Variants in PRKAA1 observed in about 807,000 individuals in gnomAD.
PRKAA1 encodes protein kinase AMP-activated catalytic subunit alpha 1, also known as 5'-AMP-activated protein kinase catalytic subunit alpha-1.
Under a neutral mutation model 56.9 loss-of-function variants are expected in PRKAA1, and 23 were observed. The ratio of observed to expected loss-of-function variants is 0.40; its 90% CI spans 0.29 to 0.57. The LOEUF is 0.57. PRKAA1 is among the 20% of genes least tolerant of loss of function. PRKAA1 has a pLI of 0.39. For synonymous variants in PRKAA1, 226 were observed against 227.0 expected (o/e 1.00, Z 0.04); for missense variants, 413 against 679.7 (o/e 0.61, Z 4.36).
intron 2 of PRKAA1, 164 bp downstream of exon 2, chr5:40,777,281 G>A (rs1268974614): frequency 4.6e-6 from 3 of 655,868 alleles, no homozygotes; most frequent in Non-Finnish European, 2.4e-6. Flanking sequence ...CCAAAGTACT[G>A]GAATTACAGG....
rs765521994 is a variant in PRKAA1 at position 40,767,603 on chromosome 5, G to C, written c.684C>G (p.Asp228Glu). 1.2e-5 allele frequency: 20 copies of C among 1,613,338 alleles called. No homozygotes were observed. The highest frequency in any genetic ancestry group is 2.7e-5 in the African/African-American group (2 of 74,882). The change falls in exon 6 of 9, where the codon GAC (aspartate) becomes GAG (glutamate). Residue 228 changes from aspartate (D) to glutamate (E), a missense_variant. Asp to Glu is a conservative substitution (Grantham distance 45). This residue lies in a region of PRKAA1 where 113 missense variants were observed against 198.6 expected (regional missense o/e 0.57). Coordinates refer to ENST00000397128, the MANE Select transcript of PRKAA1 (RefSeq NM_006251.6). ...TCTTCTTAAAAAGAGTTGGCACATG[G>C]TCATCATCAAATGGAAGGGTTCCAC... ...LLCGTLPFDDDHVPTLFKKIC... is the reference protein window; with the variant it reads ...LLCGTLPFDDEHVPTLFKKIC...
At chr5:40,790,071 C>T (rs1744653127) in intron 1 of PRKAA1, 1 of 152,194 alleles carries the variant, frequency 6.6e-6, no homozygotes, top group Non-Finnish European at 1.5e-5. Context: ...CAGGAAAGTT[C>T]AGTATCCAGG....
At position 40,765,180 on chromosome 5, in the gene PRKAA1, A is replaced by G; in HGVS notation, c.880T>C (p.Tyr294His). The change falls in exon 7 of 9, where the codon TAT becomes CAT. Residue 294 changes from tyrosine to histidine, a missense_variant. Physicochemically the swap from Tyr to His is moderately conservative, Grantham distance 83. Around this residue, in one of 9 missense-constraint regions of PRKAA1, gnomAD observed 113 missense variants for 198.6 expected, o/e 0.57. Coordinates refer to ENST00000397128, the MANE Select transcript of PRKAA1 (RefSeq NM_006251.6). Reference protein sequence around the residue: ...PKYLFPEDPSYSSTMIDDEAL... With the variant: ...PKYLFPEDPSHSSTMIDDEAL... ...TCATCATCAATCATGGTTGAACTAT[A>G]TGATGGATCCTCAGGAAAGAGATAT... 6.2e-7 allele frequency: 1 copy of G among 1,614,028 alleles called. No individual in the cohort carries two copies. The highest frequency in any genetic ancestry group is 8.5e-7 in the Non-Finnish European group (1 of 1,179,878).
chr5:40,768,782 C>G (rs1206984730), intron 5 of PRKAA1: 1 of 1,337,562 alleles, frequency 7.5e-7, no homozygotes, highest in East Asian at 2.9e-5. Context: ...TTTTCAATTT[C>G]AGTAGTATAG....
At chr5:40,768,691 C>A in intron 5 of PRKAA1, 1 of 1,269,466 alleles carries the variant, frequency 7.9e-7, no homozygotes, top group Non-Finnish European at 9.9e-7. Flanking sequence ...AATCAAGATG[C>A]AAAACATTCA....
At chr5:40,797,878 C>G (rs1745007749) in intron 1 of PRKAA1, among the ~76,000 whole-genome samples, 185 bp downstream of exon 1, 1 of 152,064 alleles carries the variant, frequency 6.6e-6, no homozygotes, top group South Asian at 2.1e-4. Context: ...CCACCCCCAC[C>G]CGGCCTGTGC....
intron 3 of PRKAA1, among the ~76,000 whole-genome samples, chr5:40,772,778 G>A (rs1050111164): frequency 2.0e-5 from 3 of 152,046 alleles, no homozygotes; most frequent in Admixed American, 2.0e-4. Flanking sequence ...GGGACCACAG[G>A]CACATGCCAC....
chr5:40,773,471 T>C lies in PRKAA1; in HGVS notation c.364-1608A>G, dbSNP rs116822858. On this transcript the variant is annotated intron_variant, in intron 3 of 8. Transcript: ENST00000397128. Reference sequence around the variant, plus strand: ...AAGTCAAAATACATTTCCAATTAAATGTAACAGATTAAATCTTTTGTCTCC... The same window carrying C: ...AAGTCAAAATACATTTCCAATTAAACGTAACAGATTAAATCTTTTGTCTCC... 4.2e-3 allele frequency among the ~76,000 whole-genome samples: 639 copies of C among 152,294 alleles called. 4 individuals are homozygous for C. The highest frequency in any genetic ancestry group is 0.015 in the African/African-American group (613 of 41,560).
rs191772521 is a variant in PRKAA1, at chr5:40,765,603, G to A, written c.822-365C>T. Among the ~76,000 whole-genome samples the A allele has an allele frequency of 4.2e-3, 636 of 152,246 alleles. 4 individuals carry two copies. The highest frequency in any genetic ancestry group is 0.015 in the African/African-American group (610 of 41,542). ...TGATATAATGTTAAGTGAAGATAAT[G>A]TAACAACAAGAAAAATAGTAGACAA... On this transcript the variant is annotated intron_variant, in intron 6 of 8. Transcript: ENST00000397128.
At chr5:40,770,745 C>CGA (rs1277153556) in intron 4 of PRKAA1, among the ~76,000 whole-genome samples, 1 of 151,550 alleles carries the variant, frequency 6.6e-6, no homozygotes, top group African/African-American at 2.4e-5. Flanking sequence ...GCACGCACCA[C>CGA]CATGCCCAGC....
chr5:40,772,992 TAA>T (rs1447484710), intron 3 of PRKAA1, among the ~76,000 whole-genome samples: 1 of 152,176 alleles, frequency 6.6e-6, no homozygotes, highest in Non-Finnish European at 1.5e-5. Flanking sequence ...TTTTTCAACA[TAA>T]GTGACAGCCA....
chr5:40,775,456 T>C lies in PRKAA1; in HGVS notation c.317A>G (p.Tyr106Cys), dbSNP rs913298651. ...ATCAAATAGCTCTCCTCCTGAGACATATTCCATCACCATGAAAATATCAGA... is the reference window on the plus strand; with the variant it reads ...ATCAAATAGCTCTCCTCCTGAGACACATTCCATCACCATGAAAATATCAGA... ...TPSDIFMVME[Y>C]VSGGELFDYI... The change falls in exon 3 of 9, where the codon TAT (tyrosine) becomes TGT (cysteine). Residue 106 changes from tyrosine (Y) to cysteine (C), a missense_variant. Tyr to Cys is a radical substitution (Grantham distance 194). Around this residue, in one of 9 missense-constraint regions of PRKAA1, gnomAD observed 29 missense variants for 44.2 expected, o/e 0.66. Coordinates refer to ENST00000397128, the MANE Select transcript of PRKAA1 (RefSeq NM_006251.6). The C allele has an allele frequency of 2.5e-6, 4 of 1,608,958 alleles. No individual in the cohort carries two copies. The highest frequency in any genetic ancestry group is 3.4e-6 in the Non-Finnish European group (4 of 1,175,380).
In PRKAA1 at chr5:40,794,605, T is replaced by A. The variant is rs1485842468; in HGVS notation, c.127+3458A>T. Among the ~76,000 whole-genome samples the A allele has an allele frequency of 6.2e-5, 5 of 81,028 alleles. 2 individuals carry two copies. Among genetic ancestry groups the A allele is most frequent in the Non-Finnish European group, 6.4e-5 (2 of 31,456 alleles). The allele number at this position is 81,028 out of a possible 152,430, so 53.2% of individuals were successfully genotyped here. On this transcript the variant is annotated intron_variant, in intron 1 of 8. Transcript: ENST00000397128. The stretch of plus-strand genomic sequence containing the variant: ...GTTTTTCCAATGTTATCTTCTAGAA[T>A]TTTTATAGTTTCAGGTCTTAGGTTT...
At chr5:40,784,950 C>T (rs558296919) in intron 1 of PRKAA1, among the ~76,000 whole-genome samples, 1 of 152,270 alleles carries the variant, frequency 6.6e-6, no homozygotes, top group South Asian at 2.1e-4. Flanking sequence ...AAATACACAT[C>T]CTTTTAATAA....
Position 40,761,486 on chromosome 5 carries a change from ATAGG to A in PRKAA1, c.*1288_*1291del, listed in dbSNP as rs1447219849. 6.6e-6 allele frequency: 1 copy of A among 152,228 alleles called. No homozygotes were observed. Among genetic ancestry groups the A allele is most frequent in the African/African-American group, 2.4e-5 (1 of 41,458 alleles). The allele number at this position is 152,228 out of a possible 1,614,324, so 9.4% of individuals were successfully genotyped here. ...CATAACTAGCTGTATCTATACATATATAGGTATAGAGAAAACAAATGACAAAACA... is the reference window on the plus strand; with the variant it reads ...CATAACTAGCTGTATCTATACATATATATAGAGAAAACAAATGACAAAACA... On this transcript the variant is annotated 3_prime_UTR_variant, in exon 9 of 9. Coordinates refer to ENST00000397128, the MANE Select transcript of PRKAA1 (RefSeq NM_006251.6).
intron 1 of PRKAA1, among the ~76,000 whole-genome samples, chr5:40,795,496 C>T (rs1384874976): frequency 1.3e-5 from 2 of 152,170 alleles, no homozygotes; most frequent in Non-Finnish European, 2.9e-5. Flanking sequence ...AGGGCAATGC[C>T]ATCCCCCTTG....
chr5:40,792,523 T>A (rs1426814174), intron 1 of PRKAA1, among the ~76,000 whole-genome samples: 4 of 152,226 alleles, frequency 2.6e-5, no homozygotes, highest in African/African-American at 9.6e-5. Flanking sequence ...CAATTTATAC[T>A]CTACCAGCAT....
chr5:40,775,336 G>T, intron 3 of PRKAA1, 74 bp downstream of exon 3: 1 of 1,158,202 alleles, frequency 8.6e-7, no homozygotes, highest in Non-Finnish European at 1.3e-6. Context: ...AAAATTGGTT[G>T]CTGACATTTT....
intron 1 of PRKAA1, among the ~76,000 whole-genome samples, chr5:40,793,182 T>C (rs1293276020): frequency 6.6e-6 from 1 of 152,172 alleles, no homozygotes; most frequent in Non-Finnish European, 1.5e-5. Flanking sequence ...CCATCTTCTC[T>C]AGAAAAACTA....
Sources: gnomAD v4.1 joint callset for allele counts (sites outside exome capture counted in the v4.1 genomes callset) on GRCh38, gnomAD v4.1.1 for gene constraint, gnomAD v4.1.1 regional missense constraint, MANE v1.5 for transcripts, NCBI Gene and HGNC (gene_info 2026-07-23, HGNC 2026-07-21) for gene names.